Variants in UQCRC1 observed in about 807,000 individuals in gnomAD.
UQCRC1 encodes ubiquinol-cytochrome c reductase core protein 1.
Under a neutral mutation model 58.0 loss-of-function variants are expected in UQCRC1, and 34 were observed. That is an observed-to-expected ratio of 0.59 (90% confidence interval 0.45 to 0.78). UQCRC1 has a LOEUF of 0.78. Among genes scored for constraint, UQCRC1 ranks in the 30% least tolerant of loss-of-function variants. UQCRC1 has a pLI of 0.00. For missense variants in UQCRC1, 610 were observed against 646.0 expected, an observed-to-expected ratio of 0.94 and a Z score of 0.60; for synonymous variants, 276 against 248.8, an observed-to-expected ratio of 1.11 and a Z score of -1.03.
intron 6 of UQCRC1, among the ~76,000 whole-genome samples, chr3:48,602,330 C>T (rs975881450): frequency 6.6e-6 from 1 of 152,034 alleles, no homozygotes; most frequent in African/African-American, 2.4e-5. Context: ...GGATTACAGG[C>T]GTGAGCCACC....
rs1174832628 is a variant in UQCRC1, at chr3:48,599,247, C to A, written c.1379-55G>T. On this transcript the variant is annotated intron_variant, in intron 12 of 12. Coordinates refer to ENST00000203407, the MANE Select transcript of UQCRC1 (RefSeq NM_003365.3). ...GGGTACCTGGCCTGCACAGGGACAC[C>A]TGGCCCTGTGCCGCACCCAGCTCGG... 3 of 1,529,682 alleles carry A rather than the reference C, an allele frequency of 2.0e-6. No homozygotes were observed. The Admixed American group carries it at 5.8e-5, about 30-fold the overall frequency. 94.8% of individuals were successfully genotyped at this position (1,529,682 alleles called of 1,614,324 possible). A position where few individuals can be genotyped will look rare whatever the true frequency, so the allele number is the denominator to read the frequency against.
chr3:48,608,172 T>G (rs2046430759), intron 2 of UQCRC1, among the ~76,000 whole-genome samples: 1 of 152,258 alleles, frequency 6.6e-6, no homozygotes. Flanking sequence ...AAGTCTTCAC[T>G]GTCCATCATT....
At chr3:48,605,894 C>G (rs2046406638) in intron 2 of UQCRC1, 38 bp from the exon 3 acceptor site, 1 of 1,602,194 alleles carries the variant, frequency 6.2e-7, no homozygotes, top group Non-Finnish European at 8.5e-7. Context: ...ACAAACAAAC[C>G]ACTCCCCAGC....
chr3:48,601,385 G>C lies in UQCRC1; in HGVS notation c.789C>G (p.Pro263=). Residue 263 remains proline (P), a synonymous_variant, in exon 7 of 13, where the codon CCC becomes CCG. Coordinates refer to ENST00000203407, the MANE Select transcript of UQCRC1 (RefSeq NM_003365.3). ...CAGTGAAGCGGCATGGAGTAAGAGT[G>C]GGCACAGCGTCCTCTGCATATGTCC... ...IPWTYAEDAV[P]TLTPCRFTGS... is the part of the protein sequence containing the mutation. 2.5e-6 allele frequency: 4 copies of C among 1,614,194 alleles called. No homozygotes were observed. The highest frequency in any genetic ancestry group is 3.4e-6 in the Non-Finnish European group (4 of 1,180,044).
intron 8 of UQCRC1, 41 bp downstream of exon 8, chr3:48,600,934 C>T: frequency 6.2e-7 from 1 of 1,602,562 alleles, no homozygotes; most frequent in Non-Finnish European, 8.5e-7. Context: ...AGCACCCTCT[C>T]TTCCCTGAAG....
intron 2 of UQCRC1, 27 bp from the exon 3 acceptor site, chr3:48,605,883 TACAA>T (rs768130862): frequency 1.7e-5 from 27 of 1,610,964 alleles, no homozygotes; most frequent in Admixed American, 6.7e-5. Flanking sequence ...CAGAAAAGGT[TACAA>T]ACAAACCACT....
At chr3:48,601,293 A>G in intron 7 of UQCRC1, 59 bp downstream of exon 7, 1 of 1,592,482 alleles carries the variant, frequency 6.3e-7, no homozygotes, top group Non-Finnish European at 8.6e-7. Context: ...AACCATGCAC[A>G]TGGGGGTCCT....
chr3:48,603,907 G>A lies in UQCRC1; in HGVS notation c.627-264C>T, dbSNP rs935158580. 6.8e-6 allele frequency: 4 copies of A among 585,034 alleles called. No homozygotes were observed. The African/African-American group carries it at 7.5e-5, about 11-fold the overall frequency. The allele number at this position is 585,034 out of a possible 1,614,324, so 36.2% of individuals were successfully genotyped here. On this transcript the variant is annotated intron_variant, in intron 5 of 12. Coordinates refer to ENST00000203407, the MANE Select transcript of UQCRC1 (RefSeq NM_003365.3). ...CTGAGAAGGCGTGAGCCAACACTGT[G>A]GGACTCTCAAAAGGGCAGCATCAAA... is the stretch of plus-strand genomic sequence containing the variant.
chr3:48,600,697 G>A lies in UQCRC1; in HGVS notation c.1110C>T (p.Phe370=), dbSNP rs761304717. The A allele has an allele frequency of 4.6e-5, 75 of 1,613,984 alleles. No individual in the cohort carries two copies. The South Asian group carries it at 6.9e-4, about 15-fold the overall frequency. The change falls in exon 9 of 13, where the codon TTC becomes TTT. Residue 370 remains phenylalanine, a synonymous_variant. Transcript: ENST00000203407. The stretch of plus-strand genomic sequence containing the variant: ...CCACTTACCACTGCCCTTGCAGGAC[G>A]AACATCATGTCATCGATTTTCATTC... ...CDRMKIDDMM[F]VLQGQWMRLC... is the part of the protein sequence containing the mutation.
chr3:48,600,868 C>A (rs1044117778), intron 8 of UQCRC1, 28 bp from the exon 9 acceptor site: 2 of 1,613,204 alleles, frequency 1.2e-6, no homozygotes, highest in Admixed American at 3.3e-5. Context: ...GGTCAGCACC[C>A]ACCCTCTTGT....
intron 11 of UQCRC1, 79 bp downstream of exon 11, chr3:48,599,984 T>A: frequency 1.9e-6 from 3 of 1,562,718 alleles, no homozygotes. Flanking sequence ...CAGGCTGCGC[T>A]ATGCCAGGCC....
rs1039659508 is a variant in UQCRC1 at position 48,601,041 on chromosome 3, G to A, written c.900C>T (p.Asp300=). The A allele has an allele frequency of 6.2e-7, 1 of 1,611,292 alleles. No individual in the cohort carries two copies. Among genetic ancestry groups the A allele is most frequent in the African/African-American group, 1.3e-5 (1 of 75,014 alleles). The change falls in exon 8 of 13, where the codon GAC becomes GAT. Residue 300 remains aspartate (D), a synonymous_variant. Transcript: ENST00000203407. ...CATTGGCCACTTGCAAGGCCACATTGTCCGGGCTGGCCCAGCCAGGACCCT... is the reference window on the plus strand; with the variant it reads ...CATTGGCCACTTGCAAGGCCACATTATCCGGGCTGGCCCAGCCAGGACCCT... ...AVEGPGWASP[D]NVALQVANAI...
intron 2 of UQCRC1, among the ~76,000 whole-genome samples, chr3:48,608,086 T>C (rs2107848829): frequency 6.6e-6 from 1 of 152,348 alleles, no homozygotes; most frequent in South Asian, 2.1e-4. Context: ...TCTCCCAAAG[T>C]GCTGAGATTA....
intron 2 of UQCRC1, among the ~76,000 whole-genome samples, 168 bp downstream of exon 2, chr3:48,608,994 G>A (rs2046437911): frequency 6.6e-6 from 1 of 152,202 alleles, no homozygotes; most frequent in Non-Finnish European, 1.5e-5. Flanking sequence ...GTCCCGTGAA[G>A]CCAAGGCGTG....
Position 48,604,756 on chromosome 3 carries a change from C to A in UQCRC1, c.322G>T (p.Ala108Ser). 1.2e-6 allele frequency: 2 copies of A among 1,614,130 alleles called. No homozygotes were observed. The highest frequency in any genetic ancestry group is 2.2e-5 in the East Asian group (1 of 44,886). ...FKGTKNRPGSALEKEVESMGA... is the reference protein window; with the variant it reads ...FKGTKNRPGSSLEKEVESMGA... The stretch of plus-strand genomic sequence containing the variant: ...ATGCTCTCCACCTCCTTCTCCAGGG[C>A]ACTGCCAGGCCGATTCTTTGTTCCC... The change falls in exon 4 of 13, where the codon GCC becomes TCC. Residue 108 changes from alanine (A) to serine (S), a missense_variant. By Grantham distance (99) the Ala-to-Ser change is moderately conservative. Transcript: ENST00000203407.
rs770953155 is a variant in UQCRC1, at chr3:48,599,101, G to A, written c.*27C>T. On this transcript the variant is annotated 3_prime_UTR_variant, in exon 13 of 13. Transcript: ENST00000203407. ...GGGGGGGACCACAAACCCCGGCCCT[G>A]CCCTCTTGCTTACATAGGCTTCCCG... 2 of 1,611,134 alleles carry A rather than the reference G, an allele frequency of 1.2e-6. No individual in the cohort carries two copies. The highest frequency in any genetic ancestry group is 2.2e-5 in the South Asian group (2 of 90,790).
chr3:48,601,186 T>C, intron 7 of UQCRC1, 68 bp from the exon 8 acceptor site: 2 of 1,559,298 alleles, frequency 1.3e-6, no homozygotes, highest in Non-Finnish European at 1.7e-6. Flanking sequence ...GTGGCAGGTG[T>C]GGGTAGAGGG....
intron 6 of UQCRC1, among the ~76,000 whole-genome samples, chr3:48,602,625 G>T (rs997009922): frequency 2.0e-5 from 3 of 149,812 alleles, no homozygotes; most frequent in African/African-American, 7.4e-5. Context: ...CGGGTTCAAG[G>T]GATTCTCCTG....
chr3:48,609,328 A>T, intron 1 of UQCRC1, 26 bp from the exon 2 acceptor site: 1 of 1,591,916 alleles, frequency 6.3e-7, no homozygotes, highest in Non-Finnish European at 8.6e-7. Context: ...GCCGCGAGTG[A>T]GGACTCGGTC....
Sources: gnomAD v4.1 joint callset for allele counts (sites outside exome capture counted in the v4.1 genomes callset) on GRCh38, gnomAD v4.1.1 for gene constraint, MANE v1.5 for transcripts, NCBI Gene and HGNC (gene_info 2026-07-23, HGNC 2026-07-21) for gene names.